Variants in CEP120 observed in about 807,000 individuals in gnomAD.
CEP120 encodes the protein centrosomal protein of 120 kDa.
In CEP120, 113 loss-of-function variants were observed where a neutral mutation model predicts 126.5. The ratio of observed to expected loss-of-function variants is 0.89; its 90% CI spans 0.77 to 1.04. The LOEUF (loss-of-function observed/expected upper bound fraction) is 1.04, where lower values mean the gene tolerates loss of function less well. Ranked by LOEUF, CEP120 falls within the 50% of genes least tolerant of loss-of-function variation. The probability of loss-of-function intolerance (pLI) is 0.00; values close to 1 mark genes in which losing one functional copy is unlikely to be tolerated. For missense variants in CEP120, 1,230 were observed against 1,155.7 expected (o/e 1.06, Z -0.93); for synonymous variants, 400 against 394.3 (o/e 1.01, Z -0.17).
chr5:123,377,346 T>TA (rs1406291585), intron 16 of CEP120, 28 bp downstream of exon 16: 1 of 1,594,114 alleles, frequency 6.3e-7, no homozygotes, highest in East Asian at 2.2e-5. Context: ...AAACTAAGCA[T>TA]AAAAAGATGA....
At chr5:123,422,697 C>T in intron 1 of CEP120, 1 of 771,360 alleles carries the variant, frequency 1.3e-6, no homozygotes, top group Non-Finnish European at 2.1e-6. Context: ...GGATGAAAAT[C>T]GTTTTCTCTA....
intron 14 of CEP120, among the ~76,000 whole-genome samples, chr5:123,379,308 A>C (rs1373911444): frequency 6.6e-6 from 1 of 152,014 alleles, no homozygotes; most frequent in Non-Finnish European, 1.5e-5. Context: ...TTCGTTTTTT[A>C]TACATATTGC....
At position 123,366,113 on chromosome 5, in the gene CEP120, ATTC is replaced by A. The variant is rs1186055463; in HGVS notation, c.2482-1522_2482-1520del. ...TAAGTAAATCTGAGACACAAACCTC[ATTC>A]TTCTAATTCATTCCTATCCCCAAAT... is the stretch of plus-strand genomic sequence containing the variant. On this transcript the variant is annotated intron_variant, in intron 17 of 19. Coordinates refer to ENST00000306467, the MANE Select transcript of CEP120 (RefSeq NM_001375405.1). Among the ~76,000 whole-genome samples the A allele has an allele frequency of 2.6e-5, 4 of 151,950 alleles. No individual in the cohort carries two copies. The East Asian group carries it at 5.8e-4, about 22-fold the overall frequency.
chr5:123,355,472 G>T (rs561185038), intron 18 of CEP120, among the ~76,000 whole-genome samples: 2 of 152,128 alleles, frequency 1.3e-5, no homozygotes, highest in South Asian at 2.1e-4. Flanking sequence ...TTTAATGATC[G>T]CCATTCTAAC....
In CEP120 at chr5:123,372,958, A is replaced by G. The variant is rs112368273; in HGVS notation, c.2359-186T>C. 2.4e-3 allele frequency among the ~76,000 whole-genome samples: 364 copies of G among 152,224 alleles called. 2 individuals are homozygous for G. The highest frequency in any genetic ancestry group is 8.2e-3 in the African/African-American group (341 of 41,570). On this transcript the variant is annotated intron_variant, in intron 16 of 19. Coordinates refer to ENST00000306467, the MANE Select transcript of CEP120 (RefSeq NM_001375405.1). ...AATTAAAAATTCAGTAAATCAACTGATTCTACAAAAACTTTTGAAGAGTAT... is the reference window on the plus strand; with the variant it reads ...AATTAAAAATTCAGTAAATCAACTGGTTCTACAAAAACTTTTGAAGAGTAT...
At chr5:123,354,334 G>A (rs150399537) in intron 18 of CEP120, among the ~76,000 whole-genome samples, 32 of 152,094 alleles carry the variant, frequency 2.1e-4, no homozygotes, top group African/African-American at 6.3e-4. Context: ...AAGCAACTTC[G>A]CTAAATGTTC....
At chr5:123,390,352 T>A in intron 7 of CEP120, 1 of 629,816 alleles carries the variant, frequency 1.6e-6, no homozygotes, top group Non-Finnish European at 2.9e-6. Flanking sequence ...CAGAGCTGAA[T>A]ACCAAAATGC....
intron 4 of CEP120, chr5:123,401,435 G>T (rs1310286198): frequency 1.5e-6 from 2 of 1,349,364 alleles, no homozygotes; most frequent in Non-Finnish European, 2.1e-6. Context: ...CTTAGTCTTT[G>T]TGCACCGCAG....
At position 123,393,358 on chromosome 5, in the gene CEP120, C is replaced by T. The variant is rs748718016; in HGVS notation, c.752G>A (p.Arg251His). ...AAGAATTTCTACACTGCTACGGATG[C>T]GAACTGATGCTCTCTCTGGCTCAAA... is the stretch of plus-strand genomic sequence containing the variant. ...PNFEPERASV[R>H]IRSSVEILRV... Residue 251 changes from arginine (R) to histidine (H), a missense_variant, in exon 6 of 20, where the codon CGC becomes CAC. Transcript: ENST00000306467. The T allele has an allele frequency of 3.1e-6, 5 of 1,613,964 alleles. No individual in the cohort carries two copies. The highest frequency in any genetic ancestry group is 1.6e-4 in the Middle Eastern group (1 of 6,084).
chr5:123,380,911 T>C (rs1043318002), intron 14 of CEP120, among the ~76,000 whole-genome samples: 4 of 152,136 alleles, frequency 2.6e-5, no homozygotes, highest in African/African-American at 9.7e-5. Context: ...CTTCTAATTA[T>C]TGTAATTTTG....
chr5:123,372,979 A>C (rs1332682673), intron 16 of CEP120, among the ~76,000 whole-genome samples: 1 of 152,136 alleles, frequency 6.6e-6, no homozygotes, highest in Non-Finnish European at 1.5e-5. Context: ...ACTTTTGAAG[A>C]GTATGAAATT....
intron 18 of CEP120, among the ~76,000 whole-genome samples, chr5:123,356,662 C>T (rs1769651116): frequency 6.6e-6 from 1 of 151,908 alleles, no homozygotes; most frequent in African/African-American, 2.4e-5. Flanking sequence ...TCATTTTTAA[C>T]TCTTTTTTTT....
chr5:123,401,267 G>A lies in CEP120; in HGVS notation c.464-1983C>T, dbSNP rs1428518768. 5.6e-6 allele frequency: 9 copies of A among 1,609,900 alleles called. No homozygotes were observed. In the East Asian group the frequency reaches 1.3e-4, roughly 24 times the overall value. Reference sequence around the variant, plus strand: ...CCATGTCCTGCTTGGCCCGCTGCAGGGCGGCCTCCAGCTCGACAACTTGGC... The same window carrying A: ...CCATGTCCTGCTTGGCCCGCTGCAGAGCGGCCTCCAGCTCGACAACTTGGC... On this transcript the variant is annotated intron_variant, in intron 4 of 19. Transcript: ENST00000306467.
intron 18 of CEP120, among the ~76,000 whole-genome samples, chr5:123,353,436 T>G (rs987562848): frequency 2.0e-5 from 3 of 151,888 alleles, no homozygotes; most frequent in African/African-American, 7.2e-5. Context: ...AACTTGTATC[T>G]TTAATGTTTT....
chr5:123,392,747 T>G lies in CEP120; in HGVS notation c.810+553A>C, dbSNP rs149664731. Among the ~76,000 whole-genome samples the G allele has an allele frequency of 4.2e-3, 635 of 152,278 alleles. 6 individuals are homozygous for G. Among genetic ancestry groups the G allele is most frequent in the African/African-American group, 0.015 (603 of 41,570 alleles). On this transcript the variant is annotated intron_variant, in intron 6 of 19. Coordinates refer to ENST00000306467, the MANE Select transcript of CEP120 (RefSeq NM_001375405.1). Reference sequence around the variant, plus strand: ...CTATTCTTGAACTCCTGGCCTCAAGTGATCCTCCCATCTTAGCCTCTCAAA... The same window carrying G: ...CTATTCTTGAACTCCTGGCCTCAAGGGATCCTCCCATCTTAGCCTCTCAAA...
chr5:123,384,012 CAG>C (rs1771849136), intron 11 of CEP120, among the ~76,000 whole-genome samples: 1 of 152,104 alleles, frequency 6.6e-6, no homozygotes, highest in Non-Finnish European at 1.5e-5. Context: ...CTGTATCTGA[CAG>C]AAACTCCTGA....
intron 1 of CEP120, among the ~76,000 whole-genome samples, chr5:123,421,747 C>G (rs1475915914): frequency 6.6e-6 from 1 of 152,096 alleles, no homozygotes; most frequent in Admixed American, 6.5e-5. Context: ...ATAGCATGGT[C>G]AGTTATAAGT....
At chr5:123,347,964 G>C (rs761044319) in intron 19 of CEP120, among the ~76,000 whole-genome samples, 1 of 152,100 alleles carries the variant, frequency 6.6e-6, no homozygotes, top group Non-Finnish European at 1.5e-5. Context: ...TCTCTAGGTA[G>C]CTGATTTCCC....
chr5:123,423,508 C>A (rs1235067377), upstream of CEP120: 1 of 158,100 alleles, frequency 6.3e-6, no homozygotes, highest in Non-Finnish European at 1.4e-5. Flanking sequence ...GCCTTCATTA[C>A]CTCACAGCGC....
Sources: allele counts gnomAD v4.1 joint callset (sites outside exome capture counted in the v4.1 genomes callset), GRCh38; gene constraint gnomAD v4.1.1; transcripts MANE v1.5; gene names NCBI Gene and HGNC (gene_info 2026-07-23, HGNC 2026-07-21).